The following CNTNAP2 variants were observed in gnomAD, a reference collection of about 807,000 sequenced individuals.
CNTNAP2 encodes the protein contactin associated protein 2.
CNTNAP2 carries 98 observed loss-of-function variants against 155.2 expected under a neutral mutation model. That is an observed-to-expected ratio of 0.63 (90% CI 0.54 to 0.75). The LOEUF (loss-of-function observed/expected upper bound fraction) is 0.75, where lower values mean the gene tolerates loss of function less well. Among genes scored for constraint, CNTNAP2 ranks in the 30% least tolerant of loss-of-function variants. CNTNAP2 has a pLI of 0.00. For missense variants in CNTNAP2, 1,727 were observed against 1,688.1 expected (o/e 1.02, Z -0.40); for synonymous variants, 651 against 631.2 (o/e 1.03, Z -0.47).
intron 10 of CNTNAP2, among the ~76,000 whole-genome samples, chr7:147,436,156 G>A (rs995695387): frequency 1.3e-5 from 2 of 152,090 alleles, no homozygotes; most frequent in Admixed American, 6.6e-5. Flanking sequence ...GAATAAAGAG[G>A]TCTTATTTCA....
intron 5 of CNTNAP2, among the ~76,000 whole-genome samples, chr7:147,117,512 AT>A (rs1467834813): frequency 2.0e-5 from 3 of 152,062 alleles, no homozygotes; most frequent in African/African-American, 7.2e-5. Context: ...TGAATATTTC[AT>A]TTGAAAAGGC....
chr7:147,634,853 G>T (rs1224214795), intron 12 of CNTNAP2, among the ~76,000 whole-genome samples: 3 of 152,086 alleles, frequency 2.0e-5, no homozygotes, highest in Non-Finnish European at 4.4e-5. Context: ...TGACACAGCA[G>T]ACTGCTGGTC....
intron 1 of CNTNAP2, among the ~76,000 whole-genome samples, chr7:146,702,136 C>T (rs931187590): frequency 3.9e-5 from 6 of 152,098 alleles, no homozygotes; most frequent in African/African-American, 1.4e-4. Flanking sequence ...GAAAGCAAGT[C>T]TTAGGGACAG....
chr7:147,373,848 A>G (rs907050477), intron 9 of CNTNAP2, among the ~76,000 whole-genome samples: 1 of 152,016 alleles, frequency 6.6e-6, no homozygotes, highest in Non-Finnish European at 1.5e-5. Flanking sequence ...TATTTCATCT[A>G]GCACATTTTT....
intron 3 of CNTNAP2, among the ~76,000 whole-genome samples, chr7:146,974,072 G>GA (rs1241473776): frequency 6.6e-6 from 1 of 152,234 alleles, no homozygotes; most frequent in East Asian, 1.9e-4. Flanking sequence ...TGGGGTGTGT[G>GA]GACTGATACC....
At chr7:148,170,899 C>T (rs1805780218) in intron 17 of CNTNAP2, among the ~76,000 whole-genome samples, 1 of 152,196 alleles carries the variant, frequency 6.6e-6, no homozygotes, top group African/African-American at 2.4e-5. Flanking sequence ...AGTAACCCTA[C>T]TGACTACTCC....
chr7:146,559,761 C>T (rs1798252615), intron 1 of CNTNAP2, among the ~76,000 whole-genome samples: 1 of 152,050 alleles, frequency 6.6e-6, no homozygotes, highest in African/African-American at 2.4e-5. Flanking sequence ...CATCCATTCT[C>T]CTTGTTTTAT....
Position 147,324,005 on chromosome 7 carries a change from A to G in CNTNAP2, c.1498+23715A>G, listed in dbSNP as rs374413521. Among the ~76,000 whole-genome samples, 83 of 151,208 alleles carry G rather than the reference A, an allele frequency of 5.5e-4. 1 individual carries two copies. In the East Asian group the frequency reaches 0.015, roughly 27 times the overall value. On this transcript the variant is annotated intron_variant, in intron 9 of 23. Transcript: ENST00000361727. Reference sequence around the variant, plus strand: ...TTTAGCTTAGAAAGCAAAGGATTATACATTTCTTAGTTTCCGTATGGCAGA... The same window carrying G: ...TTTAGCTTAGAAAGCAAAGGATTATGCATTTCTTAGTTTCCGTATGGCAGA...
intron 1 of CNTNAP2, among the ~76,000 whole-genome samples, chr7:146,519,741 C>T (rs1004588078): frequency 2.0e-5 from 3 of 151,804 alleles, no homozygotes; most frequent in African/African-American, 4.8e-5. Context: ...TTTACCGCAT[C>T]GTCTCACTGA....
intron 4 of CNTNAP2, among the ~76,000 whole-genome samples, chr7:147,045,049 T>A (rs1216725614): frequency 6.6e-6 from 1 of 152,220 alleles, no homozygotes; most frequent in Non-Finnish European, 1.5e-5. Context: ...GAACACGTGA[T>A]TTGCAAACAT....
At chr7:147,946,710 C>T (rs762968308) in intron 14 of CNTNAP2, among the ~76,000 whole-genome samples, 8 of 152,040 alleles carry the variant, frequency 5.3e-5, no homozygotes, top group African/African-American at 9.7e-5. Flanking sequence ...CAGGACAAGC[C>T]AAGGCCACAG....
intron 3 of CNTNAP2, among the ~76,000 whole-genome samples, chr7:146,871,409 A>G (rs1208150057): frequency 6.6e-6 from 1 of 152,094 alleles, no homozygotes; most frequent in East Asian, 1.9e-4. Flanking sequence ...AGGTGCCTGT[A>G]ATCCCAGCGA....
chr7:146,313,885 G>A (rs532931714), intron 1 of CNTNAP2, among the ~76,000 whole-genome samples: 5 of 152,158 alleles, frequency 3.3e-5, no homozygotes, highest in African/African-American at 1.2e-4. Context: ...TGTAGTCCCA[G>A]TTACTCAGGA....
Position 147,132,351 on chromosome 7 carries a change from T to A in CNTNAP2, c.1190T>A (p.Val397Asp). 1.2e-6 allele frequency: 2 copies of A among 1,613,754 alleles called. No homozygotes were observed. The highest frequency in any genetic ancestry group is 1.7e-6 in the Non-Finnish European group (2 of 1,179,808). ...CGGCTTAACCAGGACCTGTTCTCAG[T>A]CAGTTTCCAGTTTAGGACATGGAAC... Reference protein sequence around the residue: ...PGRLNQDLFSVSFQFRTWNPN... With the variant: ...PGRLNQDLFSDSFQFRTWNPN... Residue 397 changes from valine to aspartate, a missense_variant, in exon 8 of 24, where the codon GTC (valine) becomes GAC (aspartate). Physicochemically the swap from Val to Asp is radical, Grantham distance 152. Transcript: ENST00000361727.
intron 1 of CNTNAP2, among the ~76,000 whole-genome samples, chr7:146,482,275 T>G (rs1376135239): frequency 2.0e-5 from 3 of 150,732 alleles, no homozygotes; most frequent in Non-Finnish European, 4.4e-5. Context: ...GAGAGTTTTC[T>G]GGATAGTAAA....
intron 3 of CNTNAP2, among the ~76,000 whole-genome samples, chr7:146,929,281 G>A (rs887446932): frequency 5.9e-5 from 9 of 152,148 alleles, no homozygotes; most frequent in Non-Finnish European, 1.2e-4. Context: ...CGCGGTTCAC[G>A]AAAATCCTCT....
At chr7:146,326,738 G>A (rs907081375) in intron 1 of CNTNAP2, among the ~76,000 whole-genome samples, 1 of 152,148 alleles carries the variant, frequency 6.6e-6, no homozygotes, top group Non-Finnish European at 1.5e-5. Flanking sequence ...ACAGCTCTGG[G>A]CAGCACTACT....
At chr7:148,330,550 CG>C (rs1474016156) in intron 21 of CNTNAP2, among the ~76,000 whole-genome samples, 4 of 102,418 alleles carry the variant, frequency 3.9e-5, no homozygotes, top group South Asian at 3.5e-4. Context: ...ATGGAGTGCA[CG>C]GATGGATAGA....
intron 9 of CNTNAP2, among the ~76,000 whole-genome samples, chr7:147,377,056 C>G (rs1563181256): frequency 6.6e-6 from 1 of 151,752 alleles, no homozygotes; most frequent in Non-Finnish European, 1.5e-5. Flanking sequence ...ATAGTTCTGT[C>G]TTTTCAGTAT....
Sources: gnomAD v4.1 joint callset for allele counts (sites outside exome capture counted in the v4.1 genomes callset) on GRCh38, gnomAD v4.1.1 for gene constraint, MANE v1.5 for transcripts, NCBI Gene and HGNC (gene_info 2026-07-23, HGNC 2026-07-21) for gene names.